Variants in SEC14L2 observed in about 807,000 individuals in gnomAD.
SEC14L2 encodes the protein SEC14-like protein 2.
In SEC14L2, 50 loss-of-function variants were observed where a neutral mutation model predicts 56.9. That is an observed-to-expected ratio of 0.88 (90% CI 0.70 to 1.11). SEC14L2 has a LOEUF of 1.11. Among genes scored for constraint, SEC14L2 ranks in the 50% most tolerant of loss-of-function variants. SEC14L2 has a pLI of 0.00. For synonymous variants in SEC14L2, 179 were observed against 188.5 expected (o/e 0.95, Z 0.41); for missense variants, 414 against 500.7 (o/e 0.83, Z 1.65).
intron 11 of SEC14L2, chr22:30,421,302 G>A (rs1934511924): frequency 6.6e-6 from 1 of 152,130 alleles, no homozygotes. Context: ...GCACCAGAGT[G>A]GTATCATCAG....
chr22:30,407,821 G>A (rs758328932), intron 5 of SEC14L2, among the ~76,000 whole-genome samples: 6 of 151,558 alleles, frequency 4.0e-5, no homozygotes, highest in African/African-American at 7.3e-5. Flanking sequence ...CACCCACCTC[G>A]GACTCCCAAA....
chr22:30,397,215 C>T, intron 1 of SEC14L2, 45 bp downstream of exon 1: 1 of 1,453,822 alleles, frequency 6.9e-7, no homozygotes, highest in Non-Finnish European at 9.2e-7. Context: ...GGCTGTGGCC[C>T]TCGCCCTCCT....
At chr22:30,412,847 A>G (rs200290209) in intron 8 of SEC14L2, among the ~76,000 whole-genome samples, 2 of 130,286 alleles carry the variant, frequency 1.5e-5, no homozygotes, top group Non-Finnish European at 3.3e-5. Flanking sequence ...AAACAAAAAA[A>G]CAAAAAAAAA....
Position 30,397,021 on chromosome 22 carries a change from T to A in SEC14L2, c.-96T>A. On this transcript the variant is annotated 5_prime_UTR_variant, in exon 1 of 12. Transcript: ENST00000615189. ...CGCGGCCCGGGCAAAAGGCTGGGAC[T>A]TTACTCCGGGTGGCGGCGAGGACGA... 8.4e-7 allele frequency: 1 copy of A among 1,188,014 alleles called. No homozygotes were observed. Among genetic ancestry groups the A allele is most frequent in the Non-Finnish European group, 1.2e-6 (1 of 827,478 alleles). The allele number at this position is 1,188,014 out of a possible 1,614,324, so 73.6% of individuals were successfully genotyped here.
intron 11 of SEC14L2, among the ~76,000 whole-genome samples, chr22:30,419,559 C>A (rs2146042466): frequency 6.6e-6 from 1 of 152,228 alleles, no homozygotes; most frequent in Middle Eastern, 3.4e-3. Flanking sequence ...ACAACAACAA[C>A]AAAAAGAGAG....
In SEC14L2 at chr22:30,422,547, G is replaced by C. The variant is rs1934548463; in HGVS notation, c.*140G>C. 2 of 1,077,696 alleles carry C rather than the reference G, an allele frequency of 1.9e-6. No homozygotes were observed. The highest frequency in any genetic ancestry group is 2.6e-5 in the Admixed American group (1 of 39,018). The allele number at this position is 1,077,696 out of a possible 1,614,324, so 66.8% of individuals were successfully genotyped here. ...ACCTCAGGAGCTTTCATTTCAGTTA[G>C]GCAGAGGAAGAGCGACTGCAGTGGG... is the stretch of plus-strand genomic sequence containing the variant. On this transcript the variant is annotated 3_prime_UTR_variant, in exon 12 of 12. Coordinates refer to ENST00000615189, the MANE Select transcript of SEC14L2 (RefSeq NM_012429.5).
Position 30,422,369 on chromosome 22 carries a change from G to GAGAA in SEC14L2, c.1175_1178dup (p.Met394GlufsTer41). 1 of 1,614,220 alleles carries GAGAA rather than the reference G, an allele frequency of 6.2e-7. No individual in the cohort carries two copies. On this transcript the variant is annotated frameshift_variant, in exon 12 of 12. Transcript: ENST00000615189. LOFTEE classifies it high-confidence loss of function. The stretch of plus-strand genomic sequence containing the variant: ...CCTGCTTCCAGACAAAGCCTCAGAA[G>GAGAA]AGAAGATGAAACAGCTGGGGGCAGG...
chr22:30,422,162 T>C (rs1601790728), intron 11 of SEC14L2, 115 bp from the exon 12 acceptor site: 1 of 1,316,336 alleles, frequency 7.6e-7, no homozygotes, highest in African/African-American at 1.5e-5. Flanking sequence ...GCTACCTTCA[T>C]CCCCATGACC....
chr22:30,410,458 G>T, intron 7 of SEC14L2, 138 bp from the exon 8 acceptor site: 1 of 730,928 alleles, frequency 1.4e-6, no homozygotes. Flanking sequence ...ACCCTGGGCT[G>T]CCTATGTGGG....
At chr22:30,413,868 C>G (rs1048979245) in intron 8 of SEC14L2, among the ~76,000 whole-genome samples, 2 of 151,490 alleles carry the variant, frequency 1.3e-5, no homozygotes, top group East Asian at 1.9e-4. Flanking sequence ...TTTGAGGGAG[C>G]CTTGCTGTTG....
chr22:30,407,152 G>A lies in SEC14L2; in HGVS notation c.232G>A (p.Glu78Lys), dbSNP rs1177126196. 1 of 1,613,982 alleles carries A rather than the reference G, an allele frequency of 6.2e-7. No homozygotes were observed. Among genetic ancestry groups the A allele is most frequent in the East Asian group, 2.2e-5 (1 of 44,872 alleles). Residue 78 changes from glutamate (E) to lysine (K), a missense_variant and splice_region_variant, in exon 4 of 12, where the codon GAG becomes AAG. Transcript: ENST00000615189. The stretch of plus-strand genomic sequence containing the variant: ...CAACATCATTAGCTGGCAGCCTCCA[G>A]AGGTGAGCACAAATTATCCCACCTC... ...IDNIISWQPP[E>K]VIQQYLSGGM...
chr22:30,406,133 T>C (rs907018075), intron 2 of SEC14L2, among the ~76,000 whole-genome samples: 22 of 152,030 alleles, frequency 1.4e-4, no homozygotes, highest in African/African-American at 5.1e-4. Flanking sequence ...AACTTTGACC[T>C]GCTCTCCTCG....
Position 30,407,437 on chromosome 22 carries a change from G to C in SEC14L2, c.257G>C (p.Gly86Ala). Residue 86 changes from glycine (G) to alanine (A), a missense_variant, in exon 5 of 12, where the codon GGG (glycine) becomes GCG (alanine). Physicochemically the swap from Gly to Ala is moderately conservative, Grantham distance 60. Coordinates refer to ENST00000615189, the MANE Select transcript of SEC14L2 (RefSeq NM_012429.5). ...PPEVIQQYLS[G>A]GMCGYDLDGC... ...CAGGTGATCCAACAGTATCTGTCAG[G>C]GGGTATGTGTGGCTATGACCTGGAT... The C allele has an allele frequency of 6.2e-7, 1 of 1,614,106 alleles. No homozygotes were observed. Among genetic ancestry groups the C allele is most frequent in the Non-Finnish European group, 8.5e-7 (1 of 1,179,990 alleles).
At chr22:30,406,204 C>T in intron 2 of SEC14L2, 138 bp from the exon 3 acceptor site, 1 of 735,462 alleles carries the variant, frequency 1.4e-6, no homozygotes, top group East Asian at 2.7e-5. Flanking sequence ...TTAGCTTCTG[C>T]TTGTAGGATG....
In SEC14L2 at chr22:30,423,154, G is replaced by C. The variant is rs1178784222; in HGVS notation, c.*747G>C. On this transcript the variant is annotated 3_prime_UTR_variant, in exon 12 of 12. Transcript: ENST00000615189. ...TGACCCACAGGGATCGCAGCTGCAG[G>C]GAGGGCCAGGGAGGTTGGGGGTGGG... 6.5e-6 allele frequency: 1 copy of C among 152,966 alleles called. No homozygotes were observed. 9.5% of individuals were successfully genotyped at this position (152,966 alleles called of 1,614,324 possible).
At chr22:30,406,298 G>C in intron 2 of SEC14L2, 44 bp from the exon 3 acceptor site, 1 of 1,608,226 alleles carries the variant, frequency 6.2e-7, no homozygotes, top group Non-Finnish European at 8.5e-7. Context: ...TGGACACCCA[G>C]TCCTGCTAAC....
chr22:30,405,853 T>C (rs898831524), intron 2 of SEC14L2, among the ~76,000 whole-genome samples: 1 of 151,984 alleles, frequency 6.6e-6, no homozygotes, highest in African/African-American at 2.4e-5. Flanking sequence ...ATTAGTTTTT[T>C]TGTTTTGTTT....
chr22:30,404,349 T>C (rs4820845), intron 2 of SEC14L2, among the ~76,000 whole-genome samples: 1 of 152,030 alleles, frequency 6.6e-6, no homozygotes. Context: ...TGTGGCATTG[T>C]TCAAATCTCT....
chr22:30,422,658 A>G lies in SEC14L2; in HGVS notation c.*251A>G. 1 of 397,452 alleles carries G rather than the reference A, an allele frequency of 2.5e-6. No individual in the cohort carries two copies. The highest frequency in any genetic ancestry group is 4.1e-5 in the South Asian group (1 of 24,222). The allele number at this position is 397,452 out of a possible 1,614,324, so 24.6% of individuals were successfully genotyped here. A position where few individuals can be genotyped will look rare whatever the true frequency, so the allele number is the denominator to read the frequency against. On this transcript the variant is annotated 3_prime_UTR_variant, in exon 12 of 12. Transcript: ENST00000615189. ...TCTGTCTGTCCTGTAAACTGTGCCA[A>G]CTTCACCTGTCCAGGGACAGCGAAG...
Sources: allele counts gnomAD v4.1 joint callset (sites outside exome capture counted in the v4.1 genomes callset), GRCh38; gene constraint gnomAD v4.1.1; transcripts MANE v1.5; gene names NCBI Gene and HGNC (gene_info 2026-07-23, HGNC 2026-07-21).